Variants in DDX24 observed in about 807,000 individuals in gnomAD.
DDX24 encodes ATP-dependent RNA helicase DDX24.
Under a neutral mutation model 68.9 loss-of-function variants are expected in DDX24, and 24 were observed. The observed-to-expected ratio is 0.35, with a 90% CI of 0.25 to 0.49. The LOEUF is 0.49. Ranked by LOEUF, DDX24 falls within the 20% of genes least tolerant of loss-of-function variation. The pLI, the probability that DDX24 is intolerant of heterozygous loss-of-function variation, is 0.99. For synonymous variants in DDX24, 395 were observed against 385.2 expected (o/e 1.03, Z -0.30); for missense variants, 989 against 1,039.0 (o/e 0.95, Z 0.66).
rs898594332 is a variant in DDX24, at chr14:94,061,030, G to A, written c.1280C>T (p.Thr427Met). The change falls in exon 4 of 9, where the codon ACG (threonine) becomes ATG (methionine). Residue 427 changes from threonine to methionine, a missense_variant. Physicochemically the swap from Thr to Met is moderately conservative, Grantham distance 81 (BLOSUM62 -1). Transcript: ENST00000621632. ...GTTCAGCATCCTCTGCTGTTTCTGC[G>A]TGGACATTCCACCAACCAAAATAGC... ...KTAILVGGMS[T>M]QKQQRMLNRR... 2.2e-5 allele frequency: 35 copies of A among 1,614,036 alleles called. No homozygotes were observed. The highest frequency in any genetic ancestry group is 6.6e-5 in the South Asian group (6 of 91,084).
chr14:94,054,976 G>C lies in DDX24; in HGVS notation c.2178+20C>G. 1 of 1,611,540 alleles carries C rather than the reference G, an allele frequency of 6.2e-7. No homozygotes were observed. Among genetic ancestry groups the C allele is most frequent in the Non-Finnish European group, 8.5e-7 (1 of 1,178,236 alleles). On this transcript the variant is annotated intron_variant, in intron 7 of 8. Coordinates refer to ENST00000621632, the MANE Select transcript of DDX24 (RefSeq NM_020414.4). ...CAGCACAATCCCTTCATTAGCACTG[G>C]GGTTTTAACTGCTTTCTACCTTGAC...
chr14:94,057,687 G>T, intron 6 of DDX24, 135 bp downstream of exon 6: 1 of 741,742 alleles, frequency 1.3e-6, no homozygotes, highest in Non-Finnish European at 2.1e-6. Flanking sequence ...TGGGAGTAGT[G>T]GGCACTCGAT....
intron 2 of DDX24, among the ~76,000 whole-genome samples, chr14:94,069,406 C>A (rs1327210412): frequency 2.6e-5 from 4 of 152,108 alleles, no homozygotes; most frequent in East Asian, 1.9e-4. Context: ...CAGAACCAGA[C>A]GGATTTGCAA....
intron 3 of DDX24, among the ~76,000 whole-genome samples, chr14:94,061,550 A>C (rs540634502): frequency 6.6e-6 from 1 of 152,334 alleles, no homozygotes; most frequent in South Asian, 2.1e-4. Context: ...AGCAATAGTA[A>C]CAACTTGGTA....
At chr14:94,078,820 C>A in intron 2 of DDX24, 1 of 592,874 alleles carries the variant, frequency 1.7e-6, no homozygotes, top group East Asian at 2.8e-5. Context: ...GTCTACAGAG[C>A]TGAGAGAGAT....
chr14:94,072,611 C>G (rs1486887434), intron 2 of DDX24, among the ~76,000 whole-genome samples: 1 of 152,212 alleles, frequency 6.6e-6, no homozygotes, highest in South Asian at 2.1e-4. Context: ...GGGCAGATTA[C>G]TTGAGTTCAG....
At chr14:94,061,991 TGA>T in intron 3 of DDX24, 104 bp downstream of exon 3, 1 of 1,248,634 alleles carries the variant, frequency 8.0e-7, no homozygotes, top group Non-Finnish European at 1.1e-6. Context: ...GGCTTATAGA[TGA>T]GAGTGGCTTA....
At chr14:94,069,010 G>C (rs1211878927) in intron 2 of DDX24, among the ~76,000 whole-genome samples, 3 of 151,912 alleles carry the variant, frequency 2.0e-5, no homozygotes, top group Admixed American at 6.6e-5. Flanking sequence ...AAATAGCCAA[G>C]ATCAGAGCAG....
chr14:94,052,924 G>C (rs998240721), intron 8 of DDX24, 74 bp downstream of exon 8: 6 of 1,545,988 alleles, frequency 3.9e-6, no homozygotes, highest in Non-Finnish European at 5.2e-6. Flanking sequence ...CACAGTAGTA[G>C]AGATGGTTCC....
chr14:94,054,952 A>G, intron 7 of DDX24, 44 bp downstream of exon 7: 1 of 1,592,176 alleles, frequency 6.3e-7, no homozygotes, highest in Non-Finnish European at 8.6e-7. Flanking sequence ...GCAAGGGAGC[A>G]GCACAATCCC....
At chr14:94,072,986 A>T (rs1025176928) in intron 2 of DDX24, among the ~76,000 whole-genome samples, 1 of 139,760 alleles carries the variant, frequency 7.2e-6, no homozygotes, top group African/African-American at 2.6e-5. Flanking sequence ...AAAAATAAAT[A>T]AATCAGGTAT....
intron 2 of DDX24, among the ~76,000 whole-genome samples, chr14:94,064,702 C>G (rs1885665211): frequency 6.6e-6 from 1 of 152,206 alleles, no homozygotes; most frequent in Non-Finnish European, 1.5e-5. Context: ...ATCCATCTGG[C>G]TGTTTCTCAG....
At chr14:94,053,330 G>A in intron 7 of DDX24, 1 of 462,774 alleles carries the variant, frequency 2.2e-6, no homozygotes, top group Non-Finnish European at 3.7e-6. Flanking sequence ...CCAAGCAGCT[G>A]GGAGGCACCA....
At chr14:94,054,152 A>C (rs1469285908) in intron 7 of DDX24, among the ~76,000 whole-genome samples, 2 of 152,236 alleles carry the variant, frequency 1.3e-5, no homozygotes, top group African/African-American at 4.8e-5. Context: ...TTGGGGTTAC[A>C]GTGCAGTGGC....
At chr14:94,065,052 A>AT in intron 2 of DDX24, among the ~76,000 whole-genome samples, 1 of 117,010 alleles carries the variant, frequency 8.5e-6, no homozygotes, top group Non-Finnish European at 1.6e-5. Flanking sequence ...TGGGTAGAAA[A>AT]TCTTTTTTTT....
At chr14:94,064,865 A>G (rs956441947) in intron 2 of DDX24, among the ~76,000 whole-genome samples, 3 of 152,360 alleles carry the variant, frequency 2.0e-5, no homozygotes, top group African/African-American at 7.2e-5. Context: ...GATTAGCATC[A>G]TTAATGGGGG....
At chr14:94,060,694 A>G (rs908144750) in intron 4 of DDX24, 81 bp from the exon 5 acceptor site, 2 of 1,521,906 alleles carry the variant, frequency 1.3e-6, no homozygotes, top group Non-Finnish European at 1.8e-6. Flanking sequence ...CACTCATCCT[A>G]AACACACACA....
Position 94,051,366 on chromosome 14 carries a change from G to A in DDX24, c.2405C>T (p.Thr802Met), listed in dbSNP as rs199661745. Reference protein sequence around the residue: ...LRHLLSQPLFTESQKTKYPTQ... With the variant: ...LRHLLSQPLFMESQKTKYPTQ... The stretch of plus-strand genomic sequence containing the variant: ...GGGATACTTGGTTTTCTGGCTCTCC[G>A]TAAACAGTGGCTGGGACAGCAGGTG... Residue 802 changes from threonine (T) to methionine (M), a missense_variant, in exon 9 of 9, where the codon ACG becomes ATG. Transcript: ENST00000621632. The A allele has an allele frequency of 2.5e-5, 41 of 1,612,934 alleles. No homozygotes were observed. The highest frequency in any genetic ancestry group is 1.7e-4 in the South Asian group (15 of 90,830).
At chr14:94,074,562 C>T (rs1478668750) in intron 2 of DDX24, among the ~76,000 whole-genome samples, 1 of 152,166 alleles carries the variant, frequency 6.6e-6, no homozygotes, top group East Asian at 1.9e-4. Context: ...TCAAAGAGAA[C>T]TTCCACAACG....
Sources: allele counts gnomAD v4.1 joint callset (sites outside exome capture counted in the v4.1 genomes callset), GRCh38; gene constraint gnomAD v4.1.1; transcripts MANE v1.5; gene names NCBI Gene and HGNC (gene_info 2026-07-23, HGNC 2026-07-21).